Variants in DENND1A observed in about 807,000 individuals in gnomAD.
DENND1A encodes the protein DENN domain containing 1A, also known as DENN domain-containing protein 1A.
A neutral mutation model predicts 113.7 loss-of-function variants in DENND1A; 51 were observed. That is an observed-to-expected ratio of 0.45 (90% CI 0.36 to 0.57). The LOEUF (loss-of-function observed/expected upper bound fraction) is 0.57, where lower values mean the gene tolerates loss of function less well. DENND1A is among the 20% of genes least tolerant of loss of function. The pLI is 0.00. For synonymous variants in DENND1A, 565 were observed against 570.8 expected (o/e 0.99, Z 0.14); for missense variants, 1,258 against 1,395.9 (o/e 0.90, Z 1.57).
rs545660537 is a variant in DENND1A at position 123,784,202 on chromosome 9, C to T, written c.132+8385G>A. ...AGGCTGGGTCAAAGTCAGACTGTGA[C>T]CAGCCTTAAATCCAAGTTAAGAGAT... On this transcript the variant is annotated intron_variant, in intron 3 of 23. Coordinates refer to ENST00000394215, the MANE Select transcript of DENND1A (RefSeq NM_001352964.2). Among the ~76,000 whole-genome samples, 17 of 152,264 alleles carry T rather than the reference C, an allele frequency of 1.1e-4. No homozygotes were observed. In the South Asian group the frequency reaches 2.9e-3, roughly 26 times the overall value.
chr9:123,597,003 T>C (rs531665713), intron 11 of DENND1A, among the ~76,000 whole-genome samples: 1 of 152,312 alleles, frequency 6.6e-6, no homozygotes, highest in South Asian at 2.1e-4. Context: ...ACAATAGAAC[T>C]TGAATTTAAG....
At chr9:123,622,392 A>G (rs2061006244) in intron 10 of DENND1A, among the ~76,000 whole-genome samples, 1 of 152,246 alleles carries the variant, frequency 6.6e-6, no homozygotes, top group African/African-American at 2.4e-5. Context: ...GAAATACCAT[A>G]TGGTTTCTAC....
At chr9:123,702,186 T>C (rs75063771) in intron 5 of DENND1A, among the ~76,000 whole-genome samples, 19,174 of 151,462 alleles carry the variant, frequency 0.13, 1,880 homozygotes, top group East Asian at 0.5. Context: ...AGAAAATCAA[T>C]AGCAGACCTG....
At chr9:123,648,418 T>G (rs921901125) in intron 9 of DENND1A, among the ~76,000 whole-genome samples, 6 of 152,226 alleles carry the variant, frequency 3.9e-5, no homozygotes, top group African/African-American at 7.2e-5. Flanking sequence ...TTATTACTAA[T>G]GTGGTTGAGT....
intron 2 of DENND1A, among the ~76,000 whole-genome samples, chr9:123,864,102 G>C (rs925381567): frequency 1.3e-5 from 2 of 151,924 alleles, no homozygotes; most frequent in African/African-American, 2.4e-5. Context: ...TAAAAGAGTG[G>C]AAAACAATGA....
chr9:123,424,092 A>AAGGT (rs2131886156), intron 19 of DENND1A, among the ~76,000 whole-genome samples: 1 of 152,198 alleles, frequency 6.6e-6, no homozygotes, highest in Non-Finnish European at 1.5e-5. Context: ...TATAAAAAGG[A>AAGGT]AGGTGGTTGG....
chr9:123,900,516 A>C (rs1851447367), intron 1 of DENND1A, among the ~76,000 whole-genome samples: 1 of 152,218 alleles, frequency 6.6e-6, no homozygotes, highest in Non-Finnish European at 1.5e-5. Context: ...CCAGAGCTCT[A>C]ATTGAGCTGA....
At chr9:123,396,219 G>A (rs1350353929) in intron 21 of DENND1A, among the ~76,000 whole-genome samples, 1 of 152,234 alleles carries the variant, frequency 6.6e-6, no homozygotes, top group Admixed American at 6.5e-5. Context: ...CGCTCCTGGA[G>A]ATGTTAATAG....
rs747767379 is a variant in DENND1A at position 123,387,341 on chromosome 9, T to G, written c.1760+389A>C. 2.0e-5 allele frequency among the ~76,000 whole-genome samples: 3 copies of G among 152,324 alleles called. No individual in the cohort carries two copies. In the South Asian group the frequency reaches 6.2e-4, roughly 32 times the overall value. On this transcript the variant is annotated intron_variant, in intron 22 of 23. Transcript: ENST00000394215. ...TTTCATATGAGGAACGTTTTCTTTT[T>G]TAACTTAAACTCTGATTCCCATCTC...
intron 21 of DENND1A, among the ~76,000 whole-genome samples, chr9:123,394,344 C>CA (rs1441206083): frequency 6.6e-6 from 1 of 151,942 alleles, no homozygotes; most frequent in African/African-American, 2.4e-5. Context: ...GGGGCAGGCA[C>CA]AGGGAACTCC....
At chr9:123,481,388 A>C (rs549107239) in intron 13 of DENND1A, among the ~76,000 whole-genome samples, 38 of 152,360 alleles carry the variant, frequency 2.5e-4, no homozygotes, top group African/African-American at 8.7e-4. Flanking sequence ...CGGGAGGAAG[A>C]AACAGTGAGG....
chr9:123,599,213 A>T (rs892093902), intron 11 of DENND1A, among the ~76,000 whole-genome samples: 2 of 152,378 alleles, frequency 1.3e-5, no homozygotes, highest in South Asian at 4.1e-4. Flanking sequence ...CCTAAACGGC[A>T]TATCTCTTAA....
At chr9:123,573,167 T>C (rs558875106) in intron 12 of DENND1A, among the ~76,000 whole-genome samples, 1 of 152,316 alleles carries the variant, frequency 6.6e-6, no homozygotes, top group East Asian at 1.9e-4. Context: ...GTTTCTACAC[T>C]GTCTTGATTA....
At position 123,639,755 on chromosome 9, in the gene DENND1A, C is replaced by A. The variant is rs1471716502; in HGVS notation, c.619-9279G>T. ...TCTCGCCACTGCACTCTAGCCTGGG[C>A]AACAAGAACGAAACTCCATCTCAAA... On this transcript the variant is annotated intron_variant, in intron 9 of 23. Transcript: ENST00000394215. Among the ~76,000 whole-genome samples, 3 of 125,598 alleles carry A rather than the reference C, an allele frequency of 2.4e-5. No homozygotes were observed. In the Admixed American group the frequency reaches 2.8e-4, roughly 12 times the overall value. The allele number at this position is 125,598 out of a possible 152,430, so 82.4% of individuals were successfully genotyped here.
intron 12 of DENND1A, among the ~76,000 whole-genome samples, chr9:123,561,641 T>A (rs577425415): frequency 4.7e-4 from 71 of 152,212 alleles, no homozygotes; most frequent in African/African-American, 1.7e-3. Context: ...ACATCGGGAT[T>A]CATCAGGGGT....
intron 12 of DENND1A, among the ~76,000 whole-genome samples, chr9:123,571,647 GA>G (rs1280779338): frequency 1.3e-5 from 2 of 151,908 alleles, no homozygotes; most frequent in Non-Finnish European, 2.9e-5. Flanking sequence ...ACAGAATACT[GA>G]GTAAATACAT....
intron 9 of DENND1A, among the ~76,000 whole-genome samples, chr9:123,639,039 TAAAAAAAAAAA>T (rs750972974): frequency 9.3e-5 from 3 of 32,106 alleles, no homozygotes; most frequent in African/African-American, 1.2e-4. Flanking sequence ...GCATGAGTAG[TAAAAAAAAAAA>T]AAAAAAAAAA....
intron 5 of DENND1A, among the ~76,000 whole-genome samples, chr9:123,740,939 A>AGAGAGAGAGAGAGT (rs2068970077): frequency 6.8e-6 from 1 of 147,392 alleles, no homozygotes; most frequent in Non-Finnish European, 1.5e-5. Context: ...AGAGAGAGAG[A>AGAGAGAGAGAGAGT]GAGTATGGAC....
At chr9:123,413,310 A>G in intron 19 of DENND1A, 1 of 581,072 alleles carries the variant, frequency 1.7e-6, no homozygotes, top group Non-Finnish European at 2.2e-6. Context: ...AATATTTTGG[A>G]TATATTGGGT....
Sources: allele counts gnomAD v4.1 joint callset (sites outside exome capture counted in the v4.1 genomes callset), GRCh38; gene constraint gnomAD v4.1.1; transcripts MANE v1.5; gene names NCBI Gene and HGNC (gene_info 2026-07-23, HGNC 2026-07-21).